Variants in MAGI2 observed in about 807,000 individuals in gnomAD.
The protein encoded by MAGI2 is membrane associated guanylate kinase, WW and PDZ domain containing 2.
In MAGI2, 35 loss-of-function variants were observed where a neutral mutation model predicts 133.3. That is an observed-to-expected ratio of 0.26 (90% confidence interval 0.20 to 0.35). The LOEUF (loss-of-function observed/expected upper bound fraction) is 0.35, where lower values mean the gene tolerates loss of function less well. Among genes scored for constraint, MAGI2 ranks in the 10% least tolerant of loss-of-function variants. The probability of loss-of-function intolerance (pLI) is 1.00; values close to 1 mark genes in which losing one functional copy is unlikely to be tolerated. For synonymous variants in MAGI2, 729 were observed against 710.6 expected, an observed-to-expected ratio of 1.03 and a Z score of -0.41; for missense variants, 1,636 against 1,863.4, an observed-to-expected ratio of 0.88 and a Z score of 2.25.
At chr7:79,412,680 T>A (rs1404031875) in intron 1 of MAGI2, 1 of 152,258 alleles carries the variant, frequency 6.6e-6, no homozygotes, top group South Asian at 2.1e-4. Context: ...AGAGATACGG[T>A]ACTGGTTTGT....
intron 4 of MAGI2, among the ~76,000 whole-genome samples, chr7:78,511,373 A>G (rs1795547684): frequency 6.6e-6 from 1 of 151,882 alleles, no homozygotes; most frequent in South Asian, 2.1e-4. Context: ...CGCATTCTAC[A>G]CAGTCAGTTC....
chr7:78,368,824 T>A (rs993013525), intron 7 of MAGI2, among the ~76,000 whole-genome samples: 2 of 152,202 alleles, frequency 1.3e-5, no homozygotes, highest in Non-Finnish European at 2.9e-5. Context: ...ATAGAACATC[T>A]CATTTGCACA....
chr7:78,589,212 AC>A (rs1167534904), intron 3 of MAGI2, among the ~76,000 whole-genome samples: 1 of 152,176 alleles, frequency 6.6e-6, no homozygotes, highest in Non-Finnish European at 1.5e-5. Flanking sequence ...CATCACCATC[AC>A]CACCATCATG....
At chr7:78,700,389 A>G (rs1050607935) in intron 2 of MAGI2, among the ~76,000 whole-genome samples, 1 of 152,100 alleles carries the variant, frequency 6.6e-6, no homozygotes, top group Non-Finnish European at 1.5e-5. Flanking sequence ...ATAAGACTCA[A>G]ATTAAAATGA....
intron 2 of MAGI2, among the ~76,000 whole-genome samples, chr7:78,728,886 A>G (rs867406856): frequency 3.9e-5 from 6 of 152,090 alleles, no homozygotes; most frequent in East Asian, 1.9e-4. Flanking sequence ...TGATCTTTTT[A>G]TATCTGAAAA....
intron 1 of MAGI2, among the ~76,000 whole-genome samples, chr7:79,379,867 GT>G (rs1327662383): frequency 3.5e-5 from 5 of 143,024 alleles, no homozygotes; most frequent in African/African-American, 1.3e-4. Context: ...GGGGTTGTTT[GT>G]TTTTTTCTTG....
At position 78,019,258 on chromosome 7, in the gene MAGI2, G is replaced by A. The variant is rs142481113; in HGVS notation, c.*57C>T. The stretch of plus-strand genomic sequence containing the variant: ...AAAATAAATTAAAACGCCGTGAGAC[G>A]GAACCTAAGAAGAACTGCCTGCGCC... On this transcript the variant is annotated 3_prime_UTR_variant, in exon 22 of 22. Transcript: ENST00000354212. The A allele has an allele frequency of 2.2e-4, 350 of 1,563,110 alleles. 1 individual carries two copies. In the East Asian group the frequency reaches 7.6e-3, roughly 34 times the overall value.
chr7:78,960,818 TTAAGGAATC>T (rs1240706295), intron 2 of MAGI2, among the ~76,000 whole-genome samples: 3 of 152,110 alleles, frequency 2.0e-5, no homozygotes, highest in Non-Finnish European at 4.4e-5. Context: ...CTCTGATTGG[TTAAGGAATC>T]TAAGTACTTT....
rs114244199 is a variant in MAGI2, at chr7:79,287,865, A to C, written c.301+165155T>G. ...TCACACTAATATTTTCTAATATTTA[A>C]ACACAAATAGAAAATTGTACAATGC... is the stretch of plus-strand genomic sequence containing the variant. On this transcript the variant is annotated intron_variant, in intron 1 of 21. Coordinates refer to ENST00000354212, the MANE Select transcript of MAGI2 (RefSeq NM_012301.4). 2.6e-3 allele frequency among the ~76,000 whole-genome samples: 386 copies of C among 150,580 alleles called. 1 individual carries two copies. The highest frequency in any genetic ancestry group is 9.2e-3 in the African/African-American group (379 of 41,292).
At position 78,033,472 on chromosome 7, in the gene MAGI2, C is replaced by CAAAA. The variant is rs199985014; in HGVS notation, c.3707-13500_3707-13497dup. On this transcript the variant is annotated intron_variant, in intron 21 of 21. Transcript: ENST00000354212. ...TGAGCAACACAGTAAGAGCTTGTCTCAAAAAAAAAAAAAAAAAAAAGAAAA... is the reference window on the plus strand; with the variant it reads ...TGAGCAACACAGTAAGAGCTTGTCTCAAAAAAAAAAAAAAAAAAAAAAAAGAAAA... Among the ~76,000 whole-genome samples the CAAAA allele has an allele frequency of 1.4e-3, 184 of 132,250 alleles. 1 individual carries two copies. The highest frequency in any genetic ancestry group is 1.8e-3 in the Non-Finnish European group (113 of 62,588). The allele number at this position is 132,250 out of a possible 152,430, so 86.8% of individuals were successfully genotyped here. A position where few individuals can be genotyped will look rare whatever the true frequency, so the allele number is the denominator to read the frequency against.
chr7:78,868,959 T>C (rs949338354), intron 2 of MAGI2, among the ~76,000 whole-genome samples: 10 of 152,154 alleles, frequency 6.6e-5, no homozygotes, highest in African/African-American at 1.4e-4. Context: ...TTCACCATGT[T>C]AGCCAGGATG....
At chr7:78,701,246 T>C (rs1818039339) in intron 2 of MAGI2, among the ~76,000 whole-genome samples, 1 of 151,916 alleles carries the variant, frequency 6.6e-6, no homozygotes, top group Non-Finnish European at 1.5e-5. Context: ...TATATAAACA[T>C]CTGGTTGGTT....
At position 78,489,796 on chromosome 7, in the gene MAGI2, T is replaced by A; in HGVS notation, c.1010A>T (p.Lys337Ile). The A allele has an allele frequency of 6.2e-7, 1 of 1,613,112 alleles. No homozygotes were observed. Among genetic ancestry groups the A allele is most frequent in the South Asian group, 1.1e-5 (1 of 91,006 alleles). Reference protein sequence around the residue: ...TTSWLDPRLAKKAKPPEECKE... With the variant: ...TTSWLDPRLAIKAKPPEECKE... ...GCACTCTTCTGGAGGTTTAGCCTTT[T>A]TCGCAAGTCGTGGATCCAGCCATGA... The change falls in exon 6 of 22, where the codon AAA (lysine) becomes ATA (isoleucine). Residue 337 changes from lysine to isoleucine, a missense_variant. This residue lies in a region of MAGI2 where 920 missense variants were observed against 1,093.5 expected (regional missense o/e 0.84). Coordinates refer to ENST00000354212, the MANE Select transcript of MAGI2 (RefSeq NM_012301.4).
chr7:78,299,904 A>T (rs981297006), intron 9 of MAGI2, among the ~76,000 whole-genome samples: 1 of 152,242 alleles, frequency 6.6e-6, no homozygotes, highest in Non-Finnish European at 1.5e-5. Flanking sequence ...CAATCAAAAA[A>T]GTATGGAAAC....
intron 1 of MAGI2, chr7:79,452,764 A>C: frequency 2.2e-6 from 1 of 464,868 alleles, no homozygotes; most frequent in East Asian, 3.5e-5. Context: ...AGGTCAGACC[A>C]GGCCGAGCAC....
chr7:79,361,967 T>C (rs1842405553), intron 1 of MAGI2, among the ~76,000 whole-genome samples: 1 of 151,938 alleles, frequency 6.6e-6, no homozygotes, highest in African/African-American at 2.4e-5. Flanking sequence ...TTACAGTTTA[T>C]GGAAATGAGG....
At chr7:78,525,111 C>G (rs1035429933) in intron 3 of MAGI2, among the ~76,000 whole-genome samples, 1 of 151,924 alleles carries the variant, frequency 6.6e-6, no homozygotes, top group African/African-American at 2.4e-5. Context: ...TATGATATGA[C>G]TATAAATTAT....
At chr7:78,694,934 A>C (rs1318145404) in intron 2 of MAGI2, among the ~76,000 whole-genome samples, 8 of 152,270 alleles carry the variant, frequency 5.3e-5, no homozygotes, top group African/African-American at 1.9e-4. Flanking sequence ...TTTCCTTATA[A>C]AGTCTCCTGG....
At chr7:78,827,190 G>A (rs1319544743) in intron 2 of MAGI2, among the ~76,000 whole-genome samples, 1 of 152,118 alleles carries the variant, frequency 6.6e-6, no homozygotes, top group Non-Finnish European at 1.5e-5. Context: ...CTATTAGCAA[G>A]AAGCCTACCT....
Sources: gnomAD v4.1 joint callset for allele counts (sites outside exome capture counted in the v4.1 genomes callset) on GRCh38, gnomAD v4.1.1 for gene constraint, gnomAD v4.1.1 regional missense constraint, MANE v1.5 for transcripts, NCBI Gene and HGNC (gene_info 2026-07-23, HGNC 2026-07-21) for gene names.